The following RTEL1 variants were observed in gnomAD, a reference collection of about 807,000 sequenced individuals.
RTEL1 encodes the protein regulator of telomere elongation helicase 1, also known as regulator of telomere length.
A neutral mutation model predicts 162.2 loss-of-function variants in RTEL1; 86 were observed. The ratio of observed to expected loss-of-function variants is 0.53; its 90% CI spans 0.45 to 0.63. The LOEUF (loss-of-function observed/expected upper bound fraction) is 0.63. Ranked by LOEUF, RTEL1 falls within the 30% of genes least tolerant of loss-of-function variation. The pLI is 0.00. For missense variants in RTEL1, 1,941 were observed against 1,750.2 expected, an observed-to-expected ratio of 1.11 and a Z score of -1.95; for synonymous variants, 958 against 717.9, an observed-to-expected ratio of 1.33 and a Z score of -5.35.
rs768285604 is a variant in RTEL1 at position 63,689,877 on chromosome 20, C to T, written c.2141+12C>T. On this transcript the variant is annotated intron_variant, in intron 24 of 34. Transcript: ENST00000360203. ...CTCTGTGACCACAGGTGCGTGCAGT[C>T]CGGTGGCAGGCGCGGCGCCAGGGGA... 30 of 1,601,790 alleles carry T rather than the reference C, an allele frequency of 1.9e-5. No individual in the cohort carries two copies. Among genetic ancestry groups the T allele is most frequent in the Admixed American group, 8.4e-5 (5 of 59,866 alleles).
chr20:63,695,883 C>A lies in RTEL1; in HGVS notation c.*25C>A. Reference sequence around the variant, plus strand: ...AGTGCCCACGGAGGCCCCCAGCACACCCAACGTGGCTTGATCACCTGCCTG... The same window carrying A: ...AGTGCCCACGGAGGCCCCCAGCACAACCAACGTGGCTTGATCACCTGCCTG... On this transcript the variant is annotated 3_prime_UTR_variant, in exon 35 of 35. Transcript: ENST00000360203. 13 of 1,556,342 alleles carry A rather than the reference C, an allele frequency of 8.4e-6. No homozygotes were observed. Among genetic ancestry groups the A allele is most frequent in the Non-Finnish European group, 1.0e-5 (12 of 1,150,856 alleles).
intron 14 of RTEL1, chr20:63,680,985 G>C: frequency 1.0e-6 from 1 of 985,402 alleles, no homozygotes; most frequent in African/African-American, 1.7e-5. Flanking sequence ...GGGGGCCGGG[G>C]AGCCGCTCCT....
chr20:63,678,487 C>T (rs2090402999), intron 12 of RTEL1, 141 bp downstream of exon 12: 3 of 714,334 alleles, frequency 4.2e-6, no homozygotes, highest in Non-Finnish European at 6.9e-6. Flanking sequence ...GGGAGGAGCA[C>T]CTGCTTTGCA....
rs73318002 is a variant in RTEL1 at position 63,691,207 on chromosome 20, G to A, written c.2556+260G>A. Among the ~76,000 whole-genome samples the A allele has an allele frequency of 1.1e-4, 17 of 152,270 alleles. No individual in the cohort carries two copies. In the South Asian group the frequency reaches 2.3e-3, roughly 20 times the overall value. The stretch of plus-strand genomic sequence containing the variant: ...GCCCCCCACATCACTTTGGTTCTCT[G>A]GCGGGTCAGCTTGGCTCAGTGCACT... On this transcript the variant is annotated intron_variant, in intron 27 of 34. Transcript: ENST00000360203.
At position 63,662,094 on chromosome 20, in the gene RTEL1, G is replaced by T. The variant is rs2090031974; in HGVS notation, c.395+151G>T. 5.9e-6 allele frequency: 4 copies of T among 679,552 alleles called. No individual in the cohort carries two copies. In the South Asian group the frequency reaches 7.2e-5, roughly 12 times the overall value. The allele number at this position is 679,552 out of a possible 1,614,324, so 42.1% of individuals were successfully genotyped here. On this transcript the variant is annotated intron_variant, in intron 4 of 34. Transcript: ENST00000360203. ...GTGTGCAGAGCGCTGGTGCCCAGGG[G>T]TGGGGTGCGGCCTGGGCTGCCTCCA... is the stretch of plus-strand genomic sequence containing the variant.
intron 30 of RTEL1, among the ~76,000 whole-genome samples, chr20:63,693,546 ACCACCACCTCCACCT>A (rs2090859452): frequency 1.4e-4 from 2 of 14,212 alleles, no homozygotes; most frequent in Non-Finnish European, 3.3e-4. Flanking sequence ...CACCACCACC[ACCACCACCTCCACCT>A]CCACCACCTC....
chr20:63,692,446 C>T lies in RTEL1; in HGVS notation c.2653-359C>T, dbSNP rs151016135. On this transcript the variant is annotated intron_variant, in intron 28 of 34. Coordinates refer to ENST00000360203, the MANE Select transcript of RTEL1 (RefSeq NM_001283009.2). ...GCTCATCCGGAAGCCCCTCCTTGTGCGCTGCCATCCTGGGAGCCTCAGCCG... is the reference window on the plus strand; with the variant it reads ...GCTCATCCGGAAGCCCCTCCTTGTGTGCTGCCATCCTGGGAGCCTCAGCCG... 703 of 347,794 alleles carry T rather than the reference C, an allele frequency of 2.0e-3. 2 individuals are homozygous for T. The highest frequency in any genetic ancestry group is 5.6e-3 in the Admixed American group (137 of 24,300). 21.5% of individuals were successfully genotyped at this position (347,794 alleles called of 1,614,324 possible). A position where few individuals can be genotyped will look rare whatever the true frequency, so the allele number is the denominator to read the frequency against.
In RTEL1 at chr20:63,694,750, G is replaced by A. The variant is rs775476947; in HGVS notation, c.3119G>A (p.Gly1040Asp). ...GCTACTCCCACACCAGGAGACCCTGGCAGCCAACCACAGTGGGGGTCTGGA... is the reference window on the plus strand; with the variant it reads ...GCTACTCCCACACCAGGAGACCCTGACAGCCAACCACAGTGGGGGTCTGGA... ...SPRPPPTGDPGSQPQWGSGVP... is the reference protein window; with the variant it reads ...SPRPPPTGDPDSQPQWGSGVP... Residue 1040 changes from glycine to aspartate, a missense_variant, in exon 32 of 35, where the codon GGC becomes GAC. Physicochemically the swap from Gly to Asp is moderately conservative, Grantham distance 94. Transcript: ENST00000360203. 1 of 1,603,424 alleles carries A rather than the reference G, an allele frequency of 6.2e-7. No individual in the cohort carries two copies. Among genetic ancestry groups the A allele is most frequent in the Non-Finnish European group, 8.5e-7 (1 of 1,174,970 alleles).
rs2090623851 is a variant in RTEL1 at position 63,687,517 on chromosome 20, C to CT, written c.1349-120dup. 3.4e-6 allele frequency: 4 copies of CT among 1,161,504 alleles called. No individual in the cohort carries two copies. The East Asian group carries it at 1.0e-4, about 30-fold the overall frequency. The allele number at this position is 1,161,504 out of a possible 1,614,324, so 71.9% of individuals were successfully genotyped here. A position where few individuals can be genotyped will look rare whatever the true frequency, so the allele number is the denominator to read the frequency against. On this transcript the variant is annotated intron_variant, in intron 16 of 34. Transcript: ENST00000360203. ...ACTTCTGCACAGTGGGCCTGGGTGG[C>CT]TGCCCGCGGCTCGCTTGCTTGATGC...
rs1205447152 is a variant in RTEL1, at chr20:63,693,420, G to GCCTCCA, written c.2992+146_2992+151dup. 80 of 981,362 alleles carry GCCTCCA rather than the reference G, an allele frequency of 8.2e-5. 1 individual carries two copies. Among genetic ancestry groups the GCCTCCA allele is most frequent in the African/African-American group, 7.9e-4 (45 of 57,282 alleles). 60.8% of individuals were successfully genotyped at this position (981,362 alleles called of 1,614,324 possible). A position where few individuals can be genotyped will look rare whatever the true frequency, so the allele number is the denominator to read the frequency against. The stretch of plus-strand genomic sequence containing the variant: ...CTGTTCCCCTATGGGAGTGATGGGG[G>GCCTCCA]CCTCCACCTCCACCACCAGCACCAG... On this transcript the variant is annotated intron_variant, in intron 30 of 34. Transcript: ENST00000360203.
Position 63,680,696 on chromosome 20 carries a change from C to T in RTEL1, c.1168C>T (p.Gln390Ter). The T allele has an allele frequency of 6.2e-7, 1 of 1,613,396 alleles. No individual in the cohort carries two copies. ...AGVFTNTAGLQKLADIIQIVF... is the reference protein window; with the variant it reads ...AGVFTNTAGL ...AGTGTTCACCAACACGGCCGGACTG[C>T]AGAAGCTGGCGGACATTATCCAGGT... The change falls in exon 14 of 35, where the codon CAG becomes TAG. Residue 390 changes from glutamine to a stop codon, truncating the protein, a stop_gained. Coordinates refer to ENST00000360203, the MANE Select transcript of RTEL1 (RefSeq NM_001283009.2). LOFTEE classifies it high-confidence loss of function.
intron 14 of RTEL1, chr20:63,681,409 C>T: frequency 1.0e-6 from 1 of 985,314 alleles, no homozygotes. Context: ...GAAGCCAAGG[C>T]ACAGGTGGCT....
intron 8 of RTEL1, 129 bp from the exon 9 acceptor site, chr20:63,672,427 C>T: frequency 1.3e-6 from 1 of 756,392 alleles, no homozygotes; most frequent in Non-Finnish European, 2.3e-6. Flanking sequence ...CTGGCCTCTG[C>T]TCTCGACATC....
rs768129970 is a variant in RTEL1, at chr20:63,695,873, C to T, written c.*15C>T. On this transcript the variant is annotated 3_prime_UTR_variant, in exon 35 of 35. Transcript: ENST00000360203. Reference sequence around the variant, plus strand: ...AGCCCCAGTGAGTGCCCACGGAGGCCCCCAGCACACCCAACGTGGCTTGAT... The same window carrying T: ...AGCCCCAGTGAGTGCCCACGGAGGCTCCCAGCACACCCAACGTGGCTTGAT... The T allele has an allele frequency of 1.9e-6, 3 of 1,565,554 alleles. No homozygotes were observed. Among genetic ancestry groups the T allele is most frequent in the South Asian group, 1.2e-5 (1 of 85,344 alleles).
At position 63,666,089 on chromosome 20, in the gene RTEL1, C is replaced by T; in HGVS notation, c.614+10C>T. 2 of 1,611,924 alleles carry T rather than the reference C, an allele frequency of 1.2e-6. No individual in the cohort carries two copies. The highest frequency in any genetic ancestry group is 8.5e-7 in the Non-Finnish European group (1 of 1,178,104). ...GCGGAAGCAAGCACAGGTGAGACCC[C>T]TCAGTGAGGCCACGACCACTGTCCT... On this transcript the variant is annotated intron_variant, in intron 7 of 34. Transcript: ENST00000360203.
At chr20:63,681,706 G>A in intron 14 of RTEL1, 1 of 985,360 alleles carries the variant, frequency 1.0e-6, no homozygotes, top group South Asian at 4.7e-5. Flanking sequence ...CAGGGACCAG[G>A]TGGGGTGGGC....
intron 26 of RTEL1, 121 bp from the exon 27 acceptor site, chr20:63,690,684 A>G (rs2090717094): frequency 3.5e-6 from 4 of 1,151,628 alleles, no homozygotes; most frequent in Non-Finnish European, 4.8e-6. Flanking sequence ...AATAGCAGGG[A>G]GGACACCCAC....
intron 31 of RTEL1, 28 bp downstream of exon 31, chr20:63,694,516 C>G (rs778252363): frequency 1.3e-6 from 2 of 1,540,108 alleles, no homozygotes; most frequent in Non-Finnish European, 1.8e-6. Context: ...CGTGTGCAGC[C>G]TACGACTTGG....
At position 63,687,955 on chromosome 20, in the gene RTEL1, G is replaced by A. The variant is rs1229562658; in HGVS notation, c.1500G>A (p.Leu500=). 8.7e-6 allele frequency: 14 copies of A among 1,612,546 alleles called. No homozygotes were observed. In the Admixed American group the frequency reaches 2.2e-4, roughly 25 times the overall value. Residue 500 remains leucine (L), a synonymous_variant, in exon 18 of 35, where the codon CTG becomes CTA. Transcript: ENST00000360203. The part of the protein sequence containing the change: ...LEMQIPFPVC[L]ENPHIIDKHQ... ...CGCTCAGCCCTTTCCCAGTCTGCCT[G>A]GAGAACCCACACATCATCGACAAGC...
Sources: gnomAD v4.1 joint callset for allele counts (sites outside exome capture counted in the v4.1 genomes callset) on GRCh38, gnomAD v4.1.1 for gene constraint, MANE v1.5 for transcripts, NCBI Gene and HGNC (gene_info 2026-07-23, HGNC 2026-07-21) for gene names.